Variants in NAV3 observed in about 807,000 individuals in gnomAD.
NAV3 encodes the protein neuron navigator 3, also known as pore membrane and/or filament interacting like protein 1.
A neutral mutation model predicts 244.7 loss-of-function variants in NAV3; 87 were observed. That is an observed-to-expected ratio of 0.36 (90% CI 0.30 to 0.42). The LOEUF (loss-of-function observed/expected upper bound fraction) is 0.42, where lower values mean the gene tolerates loss of function less well. Ranked by LOEUF, NAV3 falls within the 20% of genes least tolerant of loss-of-function variation. The pLI is 1.00. For synonymous variants in NAV3, 1,126 were observed against 1,042.2 expected (o/e 1.08, Z -1.55); for missense variants, 2,663 against 2,893.3 (o/e 0.92, Z 1.83).
intron 21 of NAV3, among the ~76,000 whole-genome samples, chr12:78,147,532 G>A (rs1366281876): frequency 6.6e-6 from 1 of 151,280 alleles, no homozygotes; most frequent in Non-Finnish European, 1.5e-5. Flanking sequence ...AATAGACGCT[G>A]TATTTTCTGA....
intron 2 of NAV3, among the ~76,000 whole-genome samples, chr12:77,701,592 T>A (rs1875565693): frequency 6.6e-6 from 1 of 151,984 alleles, no homozygotes; most frequent in Non-Finnish European, 1.5e-5. Context: ...ATTATCTTAG[T>A]TAATTTTTCT....
At chr12:77,685,815 A>G (rs1358709742) in intron 2 of NAV3, among the ~76,000 whole-genome samples, 2 of 152,358 alleles carry the variant, frequency 1.3e-5, no homozygotes, top group East Asian at 3.9e-4. Flanking sequence ...CTTACATATG[A>G]TAATTTATAA....
chr12:77,588,709 C>A (rs1159019712), intron 2 of NAV3, among the ~76,000 whole-genome samples: 1 of 151,926 alleles, frequency 6.6e-6, no homozygotes, highest in Non-Finnish European at 1.5e-5. Flanking sequence ...ATAATAGGGA[C>A]CTTAATTTGG....
Position 78,168,843 on chromosome 12 carries a change from A to G in NAV3, c.4958A>G (p.Asn1653Ser). 6.2e-7 allele frequency: 1 copy of G among 1,610,032 alleles called. No homozygotes were observed. Among genetic ancestry groups the G allele is most frequent in the Non-Finnish European group, 8.5e-7 (1 of 1,177,300 alleles). Residue 1653 changes from asparagine (N) to serine (S), a missense_variant, in exon 24 of 40, where the codon AAT becomes AGT. This residue lies in a region of NAV3 where 193 missense variants were observed against 200.7 expected (regional missense o/e 0.96). Transcript: ENST00000397909. ...AAQAAIQGAL[N>S]GPDHPPKDLR... ...CAGGCGGCTATTCAGGGAGCACTGA[A>G]TGGTCCAGACCATCCTCCCAAAGGT...
rs552075558 is a variant in NAV3 at position 78,191,466 on chromosome 12, C to A, written c.6291+1247C>A. Among the ~76,000 whole-genome samples, 4 of 152,246 alleles carry A rather than the reference C, an allele frequency of 2.6e-5. No individual in the cohort carries two copies. The Middle Eastern group carries it at 0.01, about 388-fold the overall frequency. ...ACATACACATACAACCACACACACACACATCTTTGTTCAAAACCGTTTTAT... is the reference window on the plus strand; with the variant it reads ...ACATACACATACAACCACACACACAAACATCTTTGTTCAAAACCGTTTTAT... On this transcript the variant is annotated intron_variant, in intron 34 of 39. Coordinates refer to ENST00000397909, the MANE Select transcript of NAV3 (RefSeq NM_001024383.2).
At chr12:77,621,995 T>C (rs1489030615) in intron 2 of NAV3, among the ~76,000 whole-genome samples, 1 of 152,174 alleles carries the variant, frequency 6.6e-6, no homozygotes, top group East Asian at 1.9e-4. Context: ...TAGACATATT[T>C]AAATTTATGT....
intron 2 of NAV3, among the ~76,000 whole-genome samples, chr12:77,675,827 TTG>T (rs1276053191): frequency 2.6e-5 from 4 of 152,154 alleles, no homozygotes; most frequent in Non-Finnish European, 5.9e-5. Flanking sequence ...GTGCTGGTCC[TTG>T]TGTGTTTGTG....
At chr12:78,200,997 C>T (rs1470970719) in intron 38 of NAV3, among the ~76,000 whole-genome samples, 1 of 147,650 alleles carries the variant, frequency 6.8e-6, no homozygotes, top group African/African-American at 2.5e-5. Flanking sequence ...TTCCTCACTC[C>T]CTCCCTCCCT....
chr12:77,597,852 G>A (rs777110205), intron 2 of NAV3, among the ~76,000 whole-genome samples: 1 of 152,050 alleles, frequency 6.6e-6, no homozygotes, highest in Non-Finnish European at 1.5e-5. Flanking sequence ...TACTTTTCAG[G>A]TAAGCATACA....
intron 2 of NAV3, among the ~76,000 whole-genome samples, chr12:77,716,281 T>G (rs986537742): frequency 2.0e-5 from 3 of 151,804 alleles, no homozygotes; most frequent in Non-Finnish European, 2.9e-5. Flanking sequence ...ATAGCAAGTT[T>G]TTTTTTTTCC....
At chr12:77,880,878 T>C (rs942844772) in intron 1 of NAV3, among the ~76,000 whole-genome samples, 1 of 152,204 alleles carries the variant, frequency 6.6e-6, no homozygotes, top group African/African-American at 2.4e-5. Context: ...CACAAAATGA[T>C]GAAATCACCT....
At chr12:77,821,280 C>A (rs1872735568) in intron 2 of NAV3, among the ~76,000 whole-genome samples, 2 of 152,116 alleles carry the variant, frequency 1.3e-5, no homozygotes, top group East Asian at 3.8e-4. Flanking sequence ...GGAACTGGAA[C>A]TGATTACAGG....
chr12:77,954,883 G>C (rs936637477), intron 3 of NAV3, among the ~76,000 whole-genome samples: 1 of 152,130 alleles, frequency 6.6e-6, no homozygotes, highest in Admixed American at 6.6e-5. Flanking sequence ...TGTATGTACT[G>C]TGTGGTCATT....
intron 5 of NAV3, among the ~76,000 whole-genome samples, chr12:77,986,393 A>G (rs1276057392): frequency 2.0e-5 from 3 of 152,194 alleles, no homozygotes; most frequent in Non-Finnish European, 4.4e-5. Context: ...TAGAATGAAT[A>G]AGAAAATTAA....
intron 1 of NAV3, among the ~76,000 whole-genome samples, chr12:77,838,493 AT>A (rs1422581375): frequency 1.3e-5 from 2 of 152,126 alleles, no homozygotes; most frequent in African/African-American, 4.8e-5. Context: ...CAACTTTTTA[AT>A]TTTTTTGAAA....
intron 2 of NAV3, among the ~76,000 whole-genome samples, chr12:77,700,192 G>A (rs951844266): frequency 1.3e-5 from 2 of 152,128 alleles, no homozygotes; most frequent in African/African-American, 4.8e-5. Flanking sequence ...GAAAGAGTGA[G>A]AGGTGGGCAA....
At chr12:78,143,619 T>C (rs1194138145) in intron 20 of NAV3, among the ~76,000 whole-genome samples, 6 of 90,378 alleles carry the variant, frequency 6.6e-5, no homozygotes, top group African/African-American at 2.9e-4. Context: ...AGCCAAACAC[T>C]GTCTCAGAAA....
intron 20 of NAV3, among the ~76,000 whole-genome samples, chr12:78,144,316 A>G (rs1956759821): frequency 6.6e-6 from 1 of 152,188 alleles, no homozygotes; most frequent in Non-Finnish European, 1.5e-5. Context: ...TAGAATAAAT[A>G]AAAACATTTT....
chr12:78,160,308 C>T (rs925588157), intron 23 of NAV3, among the ~76,000 whole-genome samples: 1 of 151,968 alleles, frequency 6.6e-6, no homozygotes, highest in Middle Eastern at 3.4e-3. Context: ...TACTTCTCTG[C>T]TGTTAGTCCA....
Sources: gnomAD v4.1 joint callset for allele counts (sites outside exome capture counted in the v4.1 genomes callset) on GRCh38, gnomAD v4.1.1 for gene constraint, gnomAD v4.1.1 regional missense constraint, MANE v1.5 for transcripts, NCBI Gene and HGNC (gene_info 2026-07-23, HGNC 2026-07-21) for gene names.